The following NAALADL2 variants were observed in gnomAD, a reference collection of about 807,000 sequenced individuals.
The protein encoded by NAALADL2 is N-acetylated alpha-linked acidic dipeptidase like 2.
NAALADL2 carries 76 observed loss-of-function variants against 87.2 expected under a neutral mutation model. The observed-to-expected ratio is 0.87, with a 90% CI of 0.72 to 1.05. The LOEUF is 1.05. Ranked by LOEUF, NAALADL2 falls within the 50% of genes least tolerant of loss-of-function variation. NAALADL2 has a pLI of 0.00. For synonymous variants in NAALADL2, 354 were observed against 331.0 expected, an observed-to-expected ratio of 1.07 and a Z score of -0.75; for missense variants, 1,089 against 945.8, an observed-to-expected ratio of 1.15 and a Z score of -1.99.
chr3:175,375,653 T>C (rs182093500), intron 5 of NAALADL2, among the ~76,000 whole-genome samples: 131 of 152,152 alleles, frequency 8.6e-4, no homozygotes, highest in Non-Finnish European at 1.7e-3. Flanking sequence ...AACCAATCTG[T>C]CTTTATATTG....
intron 10 of NAALADL2, among the ~76,000 whole-genome samples, chr3:175,613,904 C>T (rs1483101407): frequency 2.0e-5 from 3 of 152,248 alleles, no homozygotes; most frequent in East Asian, 1.9e-4. Flanking sequence ...TTGACATAAT[C>T]TCCCATACAT....
chr3:174,976,827 A>G (rs1221112483), intron 1 of NAALADL2, among the ~76,000 whole-genome samples: 1 of 152,244 alleles, frequency 6.6e-6, no homozygotes, highest in Non-Finnish European at 1.5e-5. Context: ...CATAAATATA[A>G]GTAGATATTA....
rs970244097 is a variant in NAALADL2, at chr3:175,534,310, A to G, written c.1654-41731A>G. 7.9e-5 allele frequency among the ~76,000 whole-genome samples: 12 copies of G among 151,970 alleles called. No individual in the cohort carries two copies. In the East Asian group the frequency reaches 2.3e-3, roughly 29 times the overall value. On this transcript the variant is annotated intron_variant, in intron 9 of 13. Transcript: ENST00000454872. ...GACAGGGAGATAGATAGATTTTATT[A>G]AGTATTAACTCACACTATCACAAGG...
chr3:174,459,946 A>T (rs569757232), intron 1 of NAALADL2, among the ~76,000 whole-genome samples: 1 of 152,188 alleles, frequency 6.6e-6, no homozygotes, highest in African/African-American at 2.4e-5. Context: ...CCTACTTTAT[A>T]GATTATATGA....
At chr3:175,330,054 T>C (rs1761209019) in intron 5 of NAALADL2, among the ~76,000 whole-genome samples, 1 of 149,860 alleles carries the variant, frequency 6.7e-6, no homozygotes, top group African/African-American at 2.5e-5. Context: ...GCACTCTACT[T>C]TAAATTAAAT....
At chr3:175,755,136 A>T in intron 12 of NAALADL2, 84 bp from the exon 13 acceptor site, 3 of 1,154,418 alleles carry the variant, frequency 2.6e-6, no homozygotes, top group Non-Finnish European at 2.5e-6. Flanking sequence ...TGTCTGGCTT[A>T]TAACTTAGAT....
intron 1 of NAALADL2, among the ~76,000 whole-genome samples, chr3:175,016,588 A>T (rs1234552140): frequency 6.6e-6 from 1 of 151,684 alleles, no homozygotes; most frequent in Admixed American, 6.6e-5. Flanking sequence ...TAATTTGTGT[A>T]TATACATATA....
rs1031061788 is a variant in NAALADL2 at position 175,366,258 on chromosome 3, T to C, written c.1090+41933T>C. On this transcript the variant is annotated intron_variant, in intron 5 of 13. Transcript: ENST00000454872. ...CACATTTTCTTAATCCAGTCTATCA[T>C]TGTTGGACATTTGGGTTGGTTCCAA... Among the ~76,000 whole-genome samples the C allele has an allele frequency of 2.9e-4, 44 of 150,732 alleles. 1 individual carries two copies. Among genetic ancestry groups the C allele is most frequent in the South Asian group, 2.1e-4 (1 of 4,728 alleles).
At chr3:175,240,338 C>T (rs1175155596) in intron 3 of NAALADL2, among the ~76,000 whole-genome samples, 2 of 152,164 alleles carry the variant, frequency 1.3e-5, no homozygotes, top group African/African-American at 2.4e-5. Flanking sequence ...CTCAGAAAGT[C>T]TCAAAGAGAC....
chr3:174,472,210 A>G (rs552797229), intron 1 of NAALADL2, among the ~76,000 whole-genome samples: 2 of 152,274 alleles, frequency 1.3e-5, no homozygotes, highest in East Asian at 1.9e-4. Flanking sequence ...CTTTCCATCT[A>G]TCTTAGGCTT....
chr3:174,915,014 T>G (rs531993478), intron 1 of NAALADL2, among the ~76,000 whole-genome samples: 44 of 152,216 alleles, frequency 2.9e-4, no homozygotes, highest in Non-Finnish European at 4.6e-4. Flanking sequence ...TACTACAGTT[T>G]AATTCTACAA....
chr3:174,693,967 G>A (rs1428081725), intron 2 of NAALADL2, among the ~76,000 whole-genome samples: 2 of 152,036 alleles, frequency 1.3e-5, no homozygotes, highest in Non-Finnish European at 2.9e-5. Context: ...CATTGGAACT[G>A]GAAAGCTGTA....
At chr3:175,337,250 G>T (rs9821322) in intron 5 of NAALADL2, among the ~76,000 whole-genome samples, 5,551 of 151,194 alleles carry the variant, frequency 0.037, 326 homozygotes, top group African/African-American at 0.13. Flanking sequence ...TTAGGTCTAG[G>T]TGGTATGGTG....
At chr3:175,448,113 CA>C (rs1433236011) in intron 6 of NAALADL2, among the ~76,000 whole-genome samples, 1 of 151,930 alleles carries the variant, frequency 6.6e-6, no homozygotes, top group African/African-American at 2.4e-5. Context: ...CAAAAGCATA[CA>C]AAAAAGAAAA....
intron 2 of NAALADL2, among the ~76,000 whole-genome samples, chr3:175,211,874 A>C (rs1201888779): frequency 2.8e-4 from 43 of 152,064 alleles, no homozygotes; most frequent in Admixed American, 2.8e-3. Context: ...CCCAAATCAA[A>C]AATGATTAGT....
chr3:175,074,089 G>A (rs1268416273), intron 1 of NAALADL2, among the ~76,000 whole-genome samples: 1 of 151,964 alleles, frequency 6.6e-6, no homozygotes, highest in Non-Finnish European at 1.5e-5. Flanking sequence ...TACTCCCTAT[G>A]TCTAGAAGTG....
intron 13 of NAALADL2, among the ~76,000 whole-genome samples, chr3:175,787,864 A>G (rs1007878054): frequency 1.3e-5 from 2 of 152,202 alleles, no homozygotes; most frequent in Non-Finnish European, 2.9e-5. Context: ...TCATAAAGTA[A>G]AATAGTTACA....
chr3:174,733,666 G>A (rs930661019), intron 2 of NAALADL2, among the ~76,000 whole-genome samples: 16 of 152,156 alleles, frequency 1.1e-4, no homozygotes, highest in Non-Finnish European at 1.6e-4. Flanking sequence ...TGCTTGCCAC[G>A]CAGAAAGTCA....
intron 5 of NAALADL2, among the ~76,000 whole-genome samples, chr3:175,354,881 TACACACACAC>T (rs142110969): frequency 6.8e-6 from 1 of 146,882 alleles, no homozygotes; most frequent in Non-Finnish European, 1.5e-5. Flanking sequence ...TACATATATA[TACACACACAC>T]ACACACACAC....
Sources: allele counts gnomAD v4.1 joint callset (sites outside exome capture counted in the v4.1 genomes callset), GRCh38; gene constraint gnomAD v4.1.1; transcripts MANE v1.5; gene names NCBI Gene and HGNC (gene_info 2026-07-23, HGNC 2026-07-21).